The following ANKIB1 variants were observed in gnomAD, a reference collection of about 807,000 sequenced individuals.
ANKIB1 encodes the protein ankyrin repeat and IBR domain-containing protein 1.
A neutral mutation model predicts 122.1 loss-of-function variants in ANKIB1; 43 were observed. The ratio of observed to expected loss-of-function variants is 0.35; its 90% CI spans 0.28 to 0.45. The LOEUF (loss-of-function observed/expected upper bound fraction) is 0.45. ANKIB1 is among the 20% of genes least tolerant of loss of function. The pLI is 1.00. For synonymous variants in ANKIB1, 390 were observed against 442.0 expected (o/e 0.88, Z 1.48); for missense variants, 992 against 1,329.5 (o/e 0.75, Z 3.95).
chr7:92,246,552 GA>G (rs1392574586), intron 1 of ANKIB1, 33 bp downstream of exon 1: 1 of 515,610 alleles, frequency 1.9e-6, no homozygotes, highest in African/African-American at 1.9e-5. Context: ...AGATGTGTTT[GA>G]GGCTGCCTCT....
At chr7:92,327,191 A>G (rs1284911668) in intron 4 of ANKIB1, among the ~76,000 whole-genome samples, 1 of 152,234 alleles carries the variant, frequency 6.6e-6, no homozygotes, top group Non-Finnish European at 1.5e-5. Context: ...TTGCCATTAT[A>G]CTATGATATT....
chr7:92,274,968 C>G lies in ANKIB1; in HGVS notation c.-90-19921C>G, dbSNP rs1204475727. 5.3e-5 allele frequency among the ~76,000 whole-genome samples: 8 copies of G among 152,206 alleles called. No individual in the cohort carries two copies. The East Asian group carries it at 9.7e-4, about 18-fold the overall frequency. On this transcript the variant is annotated intron_variant, in intron 1 of 19. Transcript: ENST00000265742. ...AGTCTCTGCAGTTTTTAGCCACATC[C>G]CATGCCTCAAAGCTACCTATACCTC...
chr7:92,387,847 A>G lies in ANKIB1; in HGVS notation c.1802A>G (p.Tyr601Cys), dbSNP rs762301238. ...CAGGAACTTGACAGATTTATGCACT[A>G]TTATACAAGATTTAAAAACCATGAG... ...RFQELDRFMHYYTRFKNHEHS... is the reference protein window; with the variant it reads ...RFQELDRFMHCYTRFKNHEHS... The change falls in exon 13 of 20, where the codon TAT (tyrosine) becomes TGT (cysteine). Residue 601 changes from tyrosine to cysteine, a missense_variant. By Grantham distance (194) the Tyr-to-Cys change is radical. Coordinates refer to ENST00000265742, the MANE Select transcript of ANKIB1 (RefSeq NM_019004.2). 3.1e-6 allele frequency: 5 copies of G among 1,612,758 alleles called. No homozygotes were observed. The highest frequency in any genetic ancestry group is 3.4e-6 in the Non-Finnish European group (4 of 1,179,470).
At chr7:92,278,898 T>C (rs374945687) in intron 1 of ANKIB1, among the ~76,000 whole-genome samples, 1 of 152,158 alleles carries the variant, frequency 6.6e-6, no homozygotes, top group East Asian at 1.9e-4. Flanking sequence ...AGTCTATTGT[T>C]GTAAGTTGCA....
intron 4 of ANKIB1, among the ~76,000 whole-genome samples, chr7:92,327,008 T>C (rs1803040864): frequency 6.6e-6 from 1 of 152,184 alleles, no homozygotes; most frequent in Non-Finnish European, 1.5e-5. Flanking sequence ...TACCCAAAAC[T>C]GTGCCTAAAT....
chr7:92,260,407 C>T (rs1049017394), intron 1 of ANKIB1, among the ~76,000 whole-genome samples: 1 of 152,146 alleles, frequency 6.6e-6, no homozygotes, highest in Non-Finnish European at 1.5e-5. Context: ...TGGGCTTGGC[C>T]GGTGGCTCAC....
At chr7:92,368,826 T>C (rs1804163646) in intron 10 of ANKIB1, among the ~76,000 whole-genome samples, 1 of 152,160 alleles carries the variant, frequency 6.6e-6, no homozygotes, top group African/African-American at 2.4e-5. Context: ...ATCATAGTAA[T>C]AGTTGGTTAT....
chr7:92,258,588 A>C (rs912405118), intron 1 of ANKIB1, among the ~76,000 whole-genome samples: 36 of 152,176 alleles, frequency 2.4e-4, no homozygotes, highest in African/African-American at 8.2e-4. Flanking sequence ...CATTGGGAGA[A>C]TTTTAGAAAT....
chr7:92,374,410 G>A (rs1804338374), intron 11 of ANKIB1, among the ~76,000 whole-genome samples: 1 of 152,082 alleles, frequency 6.6e-6, no homozygotes, highest in Non-Finnish European at 1.5e-5. Flanking sequence ...CCTGGGAGGC[G>A]GAGGTTGCAG....
rs6950017 is a variant in ANKIB1, at chr7:92,282,050, A to G, written c.-90-12839A>G. On this transcript the variant is annotated intron_variant, in intron 1 of 19. Coordinates refer to ENST00000265742, the MANE Select transcript of ANKIB1 (RefSeq NM_019004.2). ...ACTATAGATTTCTAAACTTCGATAC[A>G]TAGTGTGTAATTTTTATTTTTTCTT... Among the ~76,000 whole-genome samples, 601 of 152,310 alleles carry G rather than the reference A, an allele frequency of 3.9e-3. 2 individuals carry two copies. The highest frequency in any genetic ancestry group is 7.3e-3 in the South Asian group (35 of 4,826).
intron 1 of ANKIB1, among the ~76,000 whole-genome samples, chr7:92,291,811 A>G (rs957347020): frequency 2.6e-5 from 4 of 152,054 alleles, no homozygotes; most frequent in African/African-American, 9.7e-5. Flanking sequence ...GCCTGACCTC[A>G]TGATCTACCT....
rs747505710 is a variant in ANKIB1, at chr7:92,366,557, TTC to T, written c.1486+4288_1486+4289del. ...ATGATCTTTTAGGTTTATATAGTCC[TTC>T]TCTGGTAGAACAAATCTCAGGTGTC... On this transcript the variant is annotated intron_variant, in intron 10 of 19. Coordinates refer to ENST00000265742, the MANE Select transcript of ANKIB1 (RefSeq NM_019004.2). Among the ~76,000 whole-genome samples the T allele has an allele frequency of 3.2e-4, 48 of 152,338 alleles. 1 individual carries two copies. Among genetic ancestry groups the T allele is most frequent in the African/African-American group, 9.9e-4 (41 of 41,556 alleles).
intron 1 of ANKIB1, among the ~76,000 whole-genome samples, chr7:92,266,643 G>T (rs1159304219): frequency 1.3e-5 from 2 of 152,176 alleles, no homozygotes; most frequent in Non-Finnish European, 2.9e-5. Flanking sequence ...ACTGTGTACT[G>T]CCTGGAAAGC....
chr7:92,320,246 ATCT>A (rs1238320851), intron 4 of ANKIB1, among the ~76,000 whole-genome samples: 5 of 152,124 alleles, frequency 3.3e-5, no homozygotes, highest in Non-Finnish European at 7.4e-5. Flanking sequence ...GCCCCATATC[ATCT>A]TCTTATGAGA....
rs920980537 is a variant in ANKIB1 at position 92,307,380 on chromosome 7, A to C, written c.210A>C (p.Gly70=). 6.2e-7 allele frequency: 1 copy of C among 1,611,034 alleles called. No individual in the cohort carries two copies. The highest frequency in any genetic ancestry group is 1.3e-5 in the African/African-American group (1 of 74,884). ...KILGTFLGRD[G]NPNKRNVHNE... ...TTAGGACTTTTCTTGGTAGAGATGG[A>C]AATCCAAATAAACGGAATGTGCACA... Residue 70 remains glycine (G), a synonymous_variant, in exon 3 of 20, where the codon GGA becomes GGC. Coordinates refer to ENST00000265742, the MANE Select transcript of ANKIB1 (RefSeq NM_019004.2).
intron 1 of ANKIB1, among the ~76,000 whole-genome samples, chr7:92,273,178 T>C (rs1045491545): frequency 6.6e-6 from 1 of 152,192 alleles, no homozygotes; most frequent in Non-Finnish European, 1.5e-5. Context: ...TTAGAATGCC[T>C]TCAAATTCAA....
At chr7:92,307,288 ATCT>A (rs1802580158) in intron 2 of ANKIB1, 68 bp from the exon 3 acceptor site, 1 of 1,400,646 alleles carries the variant, frequency 7.1e-7, no homozygotes, top group African/African-American at 1.4e-5. Context: ...TAAAAGTGTT[ATCT>A]TCAATGTATT....
chr7:92,392,009 C>A (rs1057084959), intron 16 of ANKIB1, among the ~76,000 whole-genome samples: 36 of 151,986 alleles, frequency 2.4e-4, no homozygotes, highest in African/African-American at 8.2e-4. Context: ...TTATAAAATA[C>A]TTTGTTATAA....
chr7:92,383,784 A>T (rs902790746), intron 11 of ANKIB1, among the ~76,000 whole-genome samples: 7 of 152,222 alleles, frequency 4.6e-5, no homozygotes, highest in African/African-American at 1.7e-4. Flanking sequence ...AGCCAGTATG[A>T]TACTGAACGG....
Sources: allele counts gnomAD v4.1 joint callset (sites outside exome capture counted in the v4.1 genomes callset), GRCh38; gene constraint gnomAD v4.1.1; transcripts MANE v1.5; gene names NCBI Gene and HGNC (gene_info 2026-07-23, HGNC 2026-07-21).